ME3: variants seen among roughly 807,000 people sequenced by gnomAD.
ME3 encodes NADP-dependent malic enzyme, mitochondrial.
A neutral mutation model predicts 68.9 loss-of-function variants in ME3; 48 were observed. The observed-to-expected ratio is 0.70, with a 90% CI of 0.55 to 0.89. The LOEUF (loss-of-function observed/expected upper bound fraction) is 0.89, where lower values mean the gene tolerates loss of function less well. Ranked by LOEUF, ME3 falls within the 40% of genes least tolerant of loss-of-function variation. The pLI is 0.00. For synonymous variants in ME3, 320 were observed against 318.8 expected (o/e 1.00, Z -0.04); for missense variants, 675 against 797.4 (o/e 0.85, Z 1.85).
At chr11:86,654,225 A>T (rs1055229841) in intron 2 of ME3, among the ~76,000 whole-genome samples, 10 of 152,244 alleles carry the variant, frequency 6.6e-5, no homozygotes, top group African/African-American at 2.4e-4. Flanking sequence ...AAAATGAGGG[A>T]ATCCTCCCTA....
intron 9 of ME3, 113 bp from the exon 10 acceptor site, chr11:86,450,115 A>C: frequency 1.0e-6 from 1 of 973,702 alleles, no homozygotes; most frequent in Non-Finnish European, 1.6e-6. Context: ...AATGACTCCC[A>C]GGAGGCCCAA....
At chr11:86,497,799 G>A (rs1174620112) in intron 6 of ME3, among the ~76,000 whole-genome samples, 164 bp downstream of exon 6, 1 of 152,138 alleles carries the variant, frequency 6.6e-6, no homozygotes, top group Non-Finnish European at 1.5e-5. Context: ...AGGGAAGAAG[G>A]TCCTCTACTC....
intron 2 of ME3, among the ~76,000 whole-genome samples, chr11:86,648,555 T>C (rs1478483906): frequency 6.6e-6 from 1 of 151,954 alleles, no homozygotes; most frequent in Non-Finnish European, 1.5e-5. Context: ...ACTGGTTCTT[T>C]GGAAAGATTA....
At chr11:86,607,978 T>C (rs1473743297) in intron 2 of ME3, among the ~76,000 whole-genome samples, 1 of 152,116 alleles carries the variant, frequency 6.6e-6, no homozygotes, top group Non-Finnish European at 1.5e-5. Context: ...GAAGTACCTA[T>C]GAGGTATTTC....
intron 7 of ME3, among the ~76,000 whole-genome samples, chr11:86,487,126 T>C (rs1951739537): frequency 6.6e-6 from 1 of 152,024 alleles, no homozygotes; most frequent in Non-Finnish European, 1.5e-5. Flanking sequence ...TCTCATTCCC[T>C]CCCCTCACTG....
intron 2 of ME3, among the ~76,000 whole-genome samples, chr11:86,564,462 G>GAAA (rs35429348): frequency 0.11 from 12,101 of 106,386 alleles, 622 homozygotes; most frequent in African/African-American, 0.14. Flanking sequence ...AAAGCTACAG[G>GAAA]AAAAAAAAAA....
chr11:86,607,973 A>G (rs1942274665), intron 2 of ME3, among the ~76,000 whole-genome samples: 1 of 152,092 alleles, frequency 6.6e-6, no homozygotes, highest in Non-Finnish European at 1.5e-5. Flanking sequence ...TGCCAGAAGT[A>G]CCTATGAGGT....
At chr11:86,510,300 A>G (rs1028280442) in intron 4 of ME3, among the ~76,000 whole-genome samples, 1 of 152,186 alleles carries the variant, frequency 6.6e-6, no homozygotes, top group Non-Finnish European at 1.5e-5. Context: ...TCTTGGTAGC[A>G]TCTGACACTT....
At chr11:86,448,763 T>C (rs1452808642) in intron 10 of ME3, among the ~76,000 whole-genome samples, 1 of 152,222 alleles carries the variant, frequency 6.6e-6, no homozygotes, top group Non-Finnish European at 1.5e-5. Flanking sequence ...CCAGCTCCAG[T>C]TCCTTACATT....
At chr11:86,510,269 CA>C (rs2139108112) in intron 4 of ME3, among the ~76,000 whole-genome samples, 1 of 152,308 alleles carries the variant, frequency 6.6e-6, no homozygotes, top group Admixed American at 6.5e-5. Context: ...GAACACTCAT[CA>C]GTCCCCATTT....
At chr11:86,454,852 A>G (rs776238579) in intron 8 of ME3, among the ~76,000 whole-genome samples, 4 of 152,310 alleles carry the variant, frequency 2.6e-5, no homozygotes, top group East Asian at 1.9e-4. Flanking sequence ...TGAATTTTCT[A>G]TATTCTCTGT....
chr11:86,511,836 G>C (rs1953551430), intron 4 of ME3, among the ~76,000 whole-genome samples: 2 of 152,174 alleles, frequency 1.3e-5, no homozygotes, highest in South Asian at 4.2e-4. Context: ...GGTCTTTTGA[G>C]ATGTTTTTCA....
At chr11:86,495,639 A>G (rs1301881125) in intron 6 of ME3, among the ~76,000 whole-genome samples, 1 of 152,244 alleles carries the variant, frequency 6.6e-6, no homozygotes, top group African/African-American at 2.4e-5. Flanking sequence ...CAATTTCAGC[A>G]AAACTCAGAT....
rs188360704 is a variant in ME3, at chr11:86,662,214, G to T, written c.183+9548C>A. On this transcript the variant is annotated intron_variant, in intron 2 of 14. Coordinates refer to ENST00000543262, the Ensembl canonical transcript of ME3. ...ACTAGAAGTGTTAGTACAGCGTAGG[G>T]GATAAGCCCTAAAATCAGGTGGCCT... is the stretch of plus-strand genomic sequence containing the variant. 9.9e-5 allele frequency among the ~76,000 whole-genome samples: 15 copies of T among 152,262 alleles called. No individual in the cohort carries two copies. In the East Asian group the frequency reaches 2.9e-3, roughly 29 times the overall value.
chr11:86,516,207 G>A (rs1250172882), intron 4 of ME3, among the ~76,000 whole-genome samples: 1 of 152,048 alleles, frequency 6.6e-6, no homozygotes, highest in Non-Finnish European at 1.5e-5. Context: ...TTTACTTCAG[G>A]GAATCAATTT....
At chr11:86,533,298 A>G (rs1391082844) in intron 4 of ME3, among the ~76,000 whole-genome samples, 1 of 152,180 alleles carries the variant, frequency 6.6e-6, no homozygotes, top group East Asian at 1.9e-4. Flanking sequence ...AAAATCAGAA[A>G]TGAAAGAGAA....
intron 14 of ME3, among the ~76,000 whole-genome samples, chr11:86,442,496 A>T (rs1012427904): frequency 6.6e-6 from 1 of 152,176 alleles, no homozygotes; most frequent in African/African-American, 2.4e-5. Context: ...CCGTGATGCT[A>T]TGCAAGCTGA....
intron 7 of ME3, among the ~76,000 whole-genome samples, chr11:86,485,758 C>T (rs890270284): frequency 1.6e-4 from 24 of 152,232 alleles, no homozygotes; most frequent in African/African-American, 5.8e-4. Flanking sequence ...CAACTCCTTG[C>T]TCTTTCCCGT....
chr11:86,512,537 G>A (rs1953613495), intron 4 of ME3, among the ~76,000 whole-genome samples: 1 of 152,242 alleles, frequency 6.6e-6, no homozygotes, highest in African/African-American at 2.4e-5. Flanking sequence ...TGAGGGATGA[G>A]GATGAAAAGT....
Sources: allele counts gnomAD v4.1 joint callset (sites outside exome capture counted in the v4.1 genomes callset), GRCh38; gene constraint gnomAD v4.1.1; transcripts MANE v1.5; gene names NCBI Gene and HGNC (gene_info 2026-07-23, HGNC 2026-07-21).